Variants in STAU2 observed in about 807,000 individuals in gnomAD.
STAU2 encodes the protein staufen double-stranded RNA binding protein 2, also known as double-stranded RNA-binding protein Staufen homolog 2.
A neutral mutation model predicts 65.9 loss-of-function variants in STAU2; 20 were observed. The observed-to-expected ratio is 0.30, with a 90% CI of 0.21 to 0.44. STAU2 has a LOEUF of 0.44. STAU2 is among the 20% of genes least tolerant of loss of function. The pLI is 1.00. For missense variants in STAU2, 558 were observed against 683.9 expected, an observed-to-expected ratio of 0.82 and a Z score of 2.05; for synonymous variants, 232 against 233.9, an observed-to-expected ratio of 0.99 and a Z score of 0.07.
intron 13 of STAU2, among the ~76,000 whole-genome samples, chr8:73,425,656 A>G (rs1816757969): frequency 1.3e-5 from 2 of 152,032 alleles, no homozygotes; most frequent in Admixed American, 1.3e-4. Context: ...CTCTCCCTGT[A>G]TTATTTTTTG....
chr8:73,662,028 G>C (rs999437627), intron 6 of STAU2, among the ~76,000 whole-genome samples: 1 of 152,222 alleles, frequency 6.6e-6, no homozygotes, highest in East Asian at 1.9e-4. Context: ...CAAGGTGCCT[G>C]TACCATTTTA....
intron 13 of STAU2, among the ~76,000 whole-genome samples, chr8:73,490,632 C>T (rs1200543508): frequency 6.6e-6 from 1 of 151,998 alleles, no homozygotes; most frequent in African/African-American, 2.4e-5. Context: ...GAGTATAGCT[C>T]TATTCAAACA....
intron 2 of STAU2, 123 bp from the exon 3 acceptor site, chr8:73,738,472 ACTTT>A: frequency 1.4e-6 from 1 of 692,100 alleles, no homozygotes; most frequent in Non-Finnish European, 2.3e-6. Flanking sequence ...TCTCCATAGA[ACTTT>A]CTATGATGAT....
chr8:73,594,284 AT>A (rs1811028368), intron 11 of STAU2, among the ~76,000 whole-genome samples: 1 of 152,212 alleles, frequency 6.6e-6, no homozygotes, highest in South Asian at 2.1e-4. Flanking sequence ...ATTCAAAAGA[AT>A]TGCCTAGAAA....
intron 6 of STAU2, among the ~76,000 whole-genome samples, chr8:73,618,399 A>G (rs2129895488): frequency 6.6e-6 from 1 of 152,314 alleles, no homozygotes; most frequent in East Asian, 1.9e-4. Context: ...TCTCTGGGAC[A>G]GTGCATCTGA....
At chr8:73,502,583 C>T (rs560805766) in intron 13 of STAU2, among the ~76,000 whole-genome samples, 2 of 152,148 alleles carry the variant, frequency 1.3e-5, no homozygotes, top group South Asian at 4.1e-4. Context: ...GTAAAAGGCC[C>T]GAATGCCTTT....
chr8:73,704,121 G>A (rs376090274), intron 4 of STAU2, among the ~76,000 whole-genome samples: 3 of 152,076 alleles, frequency 2.0e-5, no homozygotes, highest in Non-Finnish European at 2.9e-5. Flanking sequence ...ACATCCTACA[G>A]CTCAAAATCT....
chr8:73,536,450 C>T (rs935567105), intron 13 of STAU2, among the ~76,000 whole-genome samples: 1 of 152,166 alleles, frequency 6.6e-6, no homozygotes, highest in African/African-American at 2.4e-5. Flanking sequence ...TCCAGGGAAA[C>T]ACCATGGAAA....
chr8:73,424,736 T>C (rs1334395640), intron 13 of STAU2, among the ~76,000 whole-genome samples: 7 of 151,760 alleles, frequency 4.6e-5, no homozygotes, highest in Non-Finnish European at 8.8e-5. Flanking sequence ...GCTTTTCTAT[T>C]GTTGCTTTTT....
intron 4 of STAU2, among the ~76,000 whole-genome samples, chr8:73,691,974 T>C (rs376699659): frequency 4.6e-5 from 7 of 152,222 alleles, no homozygotes; most frequent in African/African-American, 1.7e-4. Flanking sequence ...GAAACTTCAT[T>C]TTTAGCCCCA....
chr8:73,485,544 A>C (rs1820871265), intron 13 of STAU2, among the ~76,000 whole-genome samples: 1 of 152,062 alleles, frequency 6.6e-6, no homozygotes, highest in Non-Finnish European at 1.5e-5. Context: ...TGGCTACTGC[A>C]ATGGGATTTC....
intron 5 of STAU2, among the ~76,000 whole-genome samples, chr8:73,676,906 G>T (rs1045185484): frequency 2.0e-5 from 3 of 152,086 alleles, no homozygotes; most frequent in African/African-American, 7.2e-5. Flanking sequence ...TCATTGAAAA[G>T]AATTTCTATT....
rs781067356 is a variant in STAU2 at position 73,673,089 on chromosome 8, C to G, written c.410+18G>C. 6.5e-7 allele frequency: 1 copy of G among 1,528,150 alleles called. No individual in the cohort carries two copies. Among genetic ancestry groups the G allele is most frequent in the Admixed American group, 2.2e-5 (1 of 45,148 alleles). The allele number at this position is 1,528,150 out of a possible 1,614,324, so 94.7% of individuals were successfully genotyped here. On this transcript the variant is annotated intron_variant, in intron 6 of 14. Coordinates refer to ENST00000524300, the MANE Select transcript of STAU2 (RefSeq NM_001164380.2). ...ATAAAATAATAATTAAGAACAAAACCAAAAAAGACATACAAACCTCTGATT... is the reference window on the plus strand; with the variant it reads ...ATAAAATAATAATTAAGAACAAAACGAAAAAAGACATACAAACCTCTGATT...
intron 13 of STAU2, among the ~76,000 whole-genome samples, chr8:73,537,163 G>C (rs1340150034): frequency 6.6e-6 from 1 of 151,924 alleles, no homozygotes; most frequent in Non-Finnish European, 1.5e-5. Flanking sequence ...CTTGAAGATA[G>C]AAAAATATAA....
At chr8:73,619,160 AG>A (rs1412588500) in intron 6 of STAU2, among the ~76,000 whole-genome samples, 1 of 152,110 alleles carries the variant, frequency 6.6e-6, no homozygotes, top group Non-Finnish European at 1.5e-5. Flanking sequence ...ACTCTGTGGG[AG>A]GGTGTGATGG....
At chr8:73,559,292 TG>T (rs1472216115) in intron 12 of STAU2, among the ~76,000 whole-genome samples, 3 of 152,230 alleles carry the variant, frequency 2.0e-5, no homozygotes. Context: ...TATGCTGCTT[TG>T]GGCCTCTCCC....
chr8:73,531,086 A>C (rs1392701394), intron 13 of STAU2, among the ~76,000 whole-genome samples: 1 of 152,210 alleles, frequency 6.6e-6, no homozygotes, highest in African/African-American at 2.4e-5. Context: ...TAAAGTGTGC[A>C]GGAAGGTGTC....
At chr8:73,620,390 G>A (rs1221979002) in intron 6 of STAU2, among the ~76,000 whole-genome samples, 1 of 152,198 alleles carries the variant, frequency 6.6e-6, no homozygotes, top group Non-Finnish European at 1.5e-5. Context: ...AACTACAGTA[G>A]AGGGAGTGGG....
chr8:73,520,588 TG>T (rs1186908534), intron 13 of STAU2, among the ~76,000 whole-genome samples: 1 of 152,144 alleles, frequency 6.6e-6, no homozygotes, highest in African/African-American at 2.4e-5. Flanking sequence ...GGTGTAGAAA[TG>T]GGCACATGAC....
Sources: gnomAD v4.1 joint callset for allele counts (sites outside exome capture counted in the v4.1 genomes callset) on GRCh38, gnomAD v4.1.1 for gene constraint, MANE v1.5 for transcripts, NCBI Gene and HGNC (gene_info 2026-07-23, HGNC 2026-07-21) for gene names.